Variants in NXPE3 observed in about 807,000 individuals in gnomAD.
The protein encoded by NXPE3 is NXPE family member 3.
Under a neutral mutation model 46.1 loss-of-function variants are expected in NXPE3, and 26 were observed. The observed-to-expected ratio is 0.56, with a 90% CI of 0.41 to 0.78. The LOEUF (loss-of-function observed/expected upper bound fraction) is 0.78, where lower values mean the gene tolerates loss of function less well. Among genes scored for constraint, NXPE3 ranks in the 30% least tolerant of loss-of-function variants. NXPE3 has a pLI of 0.00. For synonymous variants in NXPE3, 272 were observed against 257.9 expected, an observed-to-expected ratio of 1.05 and a Z score of -0.52; for missense variants, 620 against 686.0, an observed-to-expected ratio of 0.90 and a Z score of 1.07.
chr3:101,796,259 G>A (rs1302930997), intron 4 of NXPE3, among the ~76,000 whole-genome samples: 1 of 152,190 alleles, frequency 6.6e-6, no homozygotes, highest in East Asian at 1.9e-4. Flanking sequence ...CAATCACCAT[G>A]TTCACTCCAG....
chr3:101,806,598 G>A (rs1489985148), intron 5 of NXPE3, among the ~76,000 whole-genome samples: 2 of 152,188 alleles, frequency 1.3e-5, no homozygotes, highest in African/African-American at 4.8e-5. Context: ...TACTGCATGA[G>A]TAAGTATCTG....
At chr3:101,818,739 ATATATATATATATATTTTTTTTTT>A (rs1252960055) in intron 7 of NXPE3, among the ~76,000 whole-genome samples, 17 of 29,022 alleles carry the variant, frequency 5.9e-4, no homozygotes, top group Admixed American at 1.9e-3. Flanking sequence ...ATATATATAT[ATATATATATATATATTTTTTTTTT>A]TTTTTTTTTT....
intron 4 of NXPE3, among the ~76,000 whole-genome samples, chr3:101,787,498 C>T (rs944085631): frequency 6.6e-6 from 1 of 152,040 alleles, no homozygotes; most frequent in Admixed American, 6.5e-5. Context: ...GTAGAGATGG[C>T]GTTATGCCAT....
chr3:101,803,237 C>T (rs966426468), intron 5 of NXPE3, among the ~76,000 whole-genome samples: 3 of 152,014 alleles, frequency 2.0e-5, no homozygotes, highest in African/African-American at 7.3e-5. Flanking sequence ...AAGTTGCTAC[C>T]ATAAAGTATG....
At chr3:101,806,030 T>C (rs1941402309) in intron 5 of NXPE3, among the ~76,000 whole-genome samples, 1 of 152,182 alleles carries the variant, frequency 6.6e-6, no homozygotes, top group Non-Finnish European at 1.5e-5. Context: ...TGCTGTAATG[T>C]GGCCAGGCCT....
chr3:101,784,584 T>A (rs1002498047), intron 3 of NXPE3, among the ~76,000 whole-genome samples: 2 of 152,276 alleles, frequency 1.3e-5, no homozygotes, highest in Non-Finnish European at 2.9e-5. Context: ...TGTCCTGCCC[T>A]TCATGGAAAG....
At chr3:101,816,578 A>G (rs540592147) in intron 6 of NXPE3, among the ~76,000 whole-genome samples, 5 of 152,136 alleles carry the variant, frequency 3.3e-5, no homozygotes, top group Admixed American at 6.5e-5. Flanking sequence ...AGCTTCATCC[A>G]TGTCCCTGCA....
At chr3:101,819,536 G>A (rs962608102) in intron 7 of NXPE3, among the ~76,000 whole-genome samples, 1 of 152,048 alleles carries the variant, frequency 6.6e-6, no homozygotes, top group Non-Finnish European at 1.5e-5. Flanking sequence ...AAGAAACAGG[G>A]TTGCTTCTTT....
chr3:101,802,818 G>T (rs1383640461), intron 5 of NXPE3, among the ~76,000 whole-genome samples: 1 of 151,636 alleles, frequency 6.6e-6, no homozygotes. Context: ...ATTAAAATTT[G>T]TGTTTTCTTC....
intron 5 of NXPE3, 110 bp downstream of exon 5, chr3:101,802,099 C>A: frequency 1.9e-6 from 2 of 1,043,648 alleles, no homozygotes; most frequent in Non-Finnish European, 2.8e-6. Flanking sequence ...TCTCTCTCAA[C>A]TTGGCCCAAT....
In NXPE3 at chr3:101,811,453, A is replaced by G. The variant is rs1350007348; in HGVS notation, c.922+4327A>G. Among the ~76,000 whole-genome samples the G allele has an allele frequency of 3.3e-5, 5 of 152,240 alleles. No individual in the cohort carries two copies. In the East Asian group the frequency reaches 9.6e-4, roughly 29 times the overall value. On this transcript the variant is annotated intron_variant, in intron 6 of 7. Transcript: ENST00000273347. ...ACAATAACCCTTCAAAATAACTAGT[A>G]GTTGACCCATTTTATAGATGATGTG...
intron 4 of NXPE3, among the ~76,000 whole-genome samples, chr3:101,795,601 CTT>C (rs1026678832): frequency 6.6e-5 from 10 of 150,952 alleles, no homozygotes; most frequent in African/African-American, 2.4e-4. Flanking sequence ...GAATTGCAGT[CTT>C]TTATTTCTCC....
chr3:101,819,293 G>T (rs975120429), intron 7 of NXPE3, among the ~76,000 whole-genome samples: 19 of 152,170 alleles, frequency 1.2e-4, no homozygotes, highest in Non-Finnish European at 2.5e-4. Flanking sequence ...CCTCATGGGT[G>T]CACGTACTAA....
intron 4 of NXPE3, among the ~76,000 whole-genome samples, chr3:101,790,741 C>T (rs543593125): frequency 3.9e-5 from 6 of 151,938 alleles, no homozygotes; most frequent in South Asian, 2.1e-4. Flanking sequence ...AACAGGTGTG[C>T]GCCACCACGT....
At chr3:101,815,827 C>T (rs1046464391) in intron 6 of NXPE3, among the ~76,000 whole-genome samples, 27 of 152,244 alleles carry the variant, frequency 1.8e-4, no homozygotes, top group African/African-American at 6.0e-4. Context: ...GAAACCCTAT[C>T]TCTACTAAAA....
In NXPE3 at chr3:101,785,657, G is replaced by A. The variant is rs766978853; in HGVS notation, c.61G>A (p.Val21Met). 14 of 1,614,010 alleles carry A rather than the reference G, an allele frequency of 8.7e-6. No homozygotes were observed. In the South Asian group the frequency reaches 1.3e-4, roughly 15 times the overall value. Residue 21 changes from valine (V) to methionine (M), a missense_variant, in exon 4 of 8, where the codon GTG becomes ATG. By Grantham distance (21) the Val-to-Met change is conservative. Coordinates refer to ENST00000273347, the MANE Select transcript of NXPE3 (RefSeq NM_145037.4). ...CTGTCTGCTTGCAGTGTTGATGGTGGTGGTGCTGGTCATCAATGTTACTCA... is the reference window on the plus strand; with the variant it reads ...CTGTCTGCTTGCAGTGTTGATGGTGATGGTGCTGGTCATCAATGTTACTCA... ...FCCLLAVLMV[V>M]VLVINVTQVE...
intron 6 of NXPE3, among the ~76,000 whole-genome samples, chr3:101,812,707 G>C (rs1941770282): frequency 6.7e-6 from 1 of 148,354 alleles, no homozygotes; most frequent in Non-Finnish European, 1.5e-5. Context: ...AGCTACTCAG[G>C]AGGCTGAGGC....
chr3:101,801,789 A>G lies in NXPE3; in HGVS notation c.648A>G (p.Ser216=). The change falls in exon 5 of 8, where the codon TCA becomes TCG. Residue 216 remains serine (S), a synonymous_variant. Coordinates refer to ENST00000273347, the MANE Select transcript of NXPE3 (RefSeq NM_145037.4). ...TCTATTTCAAGAGTCTCTTCCGTTCAGGAAGAATTTCTGAAACTACTGAGT... is the reference window on the plus strand; with the variant it reads ...TCTATTTCAAGAGTCTCTTCCGTTCGGGAAGAATTTCTGAAACTACTGAGT... ...DRVYFKSLFR[S]GRISETTECN... is the part of the protein sequence containing the mutation. 5 of 1,614,178 alleles carry G rather than the reference A, an allele frequency of 3.1e-6. No homozygotes were observed. Among genetic ancestry groups the G allele is most frequent in the Non-Finnish European group, 4.2e-6 (5 of 1,180,010 alleles).
chr3:101,790,765 TG>T (rs1940467623), intron 4 of NXPE3, among the ~76,000 whole-genome samples: 1 of 151,854 alleles, frequency 6.6e-6, no homozygotes, highest in Non-Finnish European at 1.5e-5. Flanking sequence ...GCTAATTTTT[TG>T]TATTTTCTTT....
Sources: gnomAD v4.1 joint callset for allele counts (sites outside exome capture counted in the v4.1 genomes callset) on GRCh38, gnomAD v4.1.1 for gene constraint, MANE v1.5 for transcripts, NCBI Gene and HGNC (gene_info 2026-07-23, HGNC 2026-07-21) for gene names.